The following ITGB8 variants were observed in gnomAD, a reference collection of about 807,000 sequenced individuals.
The protein encoded by ITGB8 is integrin beta-8.
A neutral mutation model predicts 89.5 loss-of-function variants in ITGB8; 30 were observed. That is an observed-to-expected ratio of 0.34 (90% CI 0.25 to 0.45). ITGB8 has a LOEUF of 0.45. Ranked by LOEUF, ITGB8 falls within the 20% of genes least tolerant of loss-of-function variation. ITGB8 has a pLI of 1.00. For missense variants in ITGB8, 836 were observed against 933.3 expected (o/e 0.90, Z 1.36); for synonymous variants, 335 against 320.4 (o/e 1.05, Z -0.49).
intron 10 of ITGB8, among the ~76,000 whole-genome samples, chr7:20,403,673 A>G (rs150679458): frequency 5.9e-5 from 9 of 152,170 alleles, no homozygotes; most frequent in East Asian, 3.9e-4. Flanking sequence ...GAATCTGTGG[A>G]ACAATTACCC....
chr7:20,394,682 C>T (rs935254758), intron 7 of ITGB8, among the ~76,000 whole-genome samples: 2 of 152,178 alleles, frequency 1.3e-5, no homozygotes, highest in East Asian at 1.9e-4. Context: ...GATGCACACA[C>T]AGTCATGCAC....
chr7:20,388,381 G>T (rs1786714055), intron 6 of ITGB8, among the ~76,000 whole-genome samples: 1 of 152,188 alleles, frequency 6.6e-6, no homozygotes, highest in South Asian at 2.1e-4. Context: ...GAGGGAGCGT[G>T]TCTCCTGCTA....
chr7:20,388,256 T>C (rs1181799518), intron 6 of ITGB8, among the ~76,000 whole-genome samples: 1 of 152,200 alleles, frequency 6.6e-6, no homozygotes. Flanking sequence ...CCTGAAGTGC[T>C]TGTTATCTCT....
chr7:20,392,048 G>A (rs1218644559), intron 7 of ITGB8, among the ~76,000 whole-genome samples: 1 of 151,982 alleles, frequency 6.6e-6, no homozygotes, highest in Non-Finnish European at 1.5e-5. Context: ...AGTCTTTTGG[G>A]CCAGGTGAGA....
At chr7:20,403,941 T>C (rs1383024259) in intron 10 of ITGB8, among the ~76,000 whole-genome samples, 1 of 152,224 alleles carries the variant, frequency 6.6e-6, no homozygotes, top group Non-Finnish European at 1.5e-5. Flanking sequence ...TTTAACTATG[T>C]GTAACTATGT....
chr7:20,394,387 C>G (rs1488799790), intron 7 of ITGB8, among the ~76,000 whole-genome samples: 1 of 152,162 alleles, frequency 6.6e-6, no homozygotes, highest in Non-Finnish European at 1.5e-5. Flanking sequence ...GAAGTTTCCA[C>G]TTGTGACTAT....
chr7:20,373,288 A>G (rs922423575), intron 3 of ITGB8, among the ~76,000 whole-genome samples: 1 of 151,990 alleles, frequency 6.6e-6, no homozygotes, highest in African/African-American at 2.4e-5. Flanking sequence ...TCTTATTTTC[A>G]CTTATGAATC....
At chr7:20,335,641 A>T (rs1454114193) in intron 1 of ITGB8, among the ~76,000 whole-genome samples, 1 of 152,198 alleles carries the variant, frequency 6.6e-6, no homozygotes, top group Non-Finnish European at 1.5e-5. Context: ...TCCTTGAAAG[A>T]GTTGTCCGTA....
intron 10 of ITGB8, 112 bp downstream of exon 10, chr7:20,402,238 G>T: frequency 1.1e-6 from 1 of 946,556 alleles, no homozygotes; most frequent in Non-Finnish European, 1.5e-6. Flanking sequence ...ATCTGAATTT[G>T]TTATTCAAAG....
At chr7:20,407,694 T>C (rs1787601865) in intron 12 of ITGB8, among the ~76,000 whole-genome samples, 1 of 152,214 alleles carries the variant, frequency 6.6e-6, no homozygotes, top group Non-Finnish European at 1.5e-5. Context: ...CCAAGTGCCT[T>C]TCTAATAAAT....
chr7:20,409,484 C>A, intron 12 of ITGB8, 131 bp from the exon 13 acceptor site: 1 of 620,312 alleles, frequency 1.6e-6, no homozygotes, highest in Non-Finnish European at 2.7e-6. Context: ...TAATTTCAAT[C>A]CCGATTTGAA....
At chr7:20,391,845 G>A (rs965797815) in intron 7 of ITGB8, among the ~76,000 whole-genome samples, 8 of 152,170 alleles carry the variant, frequency 5.3e-5, no homozygotes, top group African/African-American at 1.9e-4. Context: ...CATGTCTAGA[G>A]TGCTTCTTCT....
At chr7:20,351,154 C>T (rs1785100488) in intron 1 of ITGB8, among the ~76,000 whole-genome samples, 1 of 152,166 alleles carries the variant, frequency 6.6e-6, no homozygotes. Flanking sequence ...TGACATACTA[C>T]TTGTATTAAA....
In ITGB8 at chr7:20,409,882, T is replaced by TAGA; in HGVS notation, c.2195_2196insAGA (p.Leu732_Ile733insGlu). 6.2e-7 allele frequency: 1 copy of TAGA among 1,613,396 alleles called. No homozygotes were observed. Among genetic ancestry groups the TAGA allele is most frequent in the South Asian group, 1.1e-5 (1 of 90,750 alleles). On this transcript the variant is annotated inframe_insertion, in exon 14 of 14. Coordinates refer to ENST00000222573, the MANE Select transcript of ITGB8 (RefSeq NM_002214.3). ...TATTTCTTCTCTATTAAGGATAAGT[T>TAGA]GATTCTGCAAAGTGTTTGCACAAGA...
chr7:20,339,811 T>A (rs1784694155), intron 1 of ITGB8, among the ~76,000 whole-genome samples: 1 of 152,140 alleles, frequency 6.6e-6, no homozygotes, highest in Non-Finnish European at 1.5e-5. Flanking sequence ...GTGGATCACC[T>A]GAAGTCAGGA....
chr7:20,397,369 G>A (rs995962394), intron 8 of ITGB8, among the ~76,000 whole-genome samples: 3 of 152,146 alleles, frequency 2.0e-5, no homozygotes, highest in African/African-American at 7.2e-5. Context: ...TGGGATTACA[G>A]GCGTATCACG....
chr7:20,359,070 C>A (rs1785402039), intron 1 of ITGB8, among the ~76,000 whole-genome samples: 1 of 152,184 alleles, frequency 6.6e-6, no homozygotes, highest in African/African-American at 2.4e-5. Context: ...GTGTTGTGTT[C>A]CATGTTGTAC....
chr7:20,340,381 T>G (rs1280680745), intron 1 of ITGB8, among the ~76,000 whole-genome samples: 3 of 152,118 alleles, frequency 2.0e-5, no homozygotes, highest in Non-Finnish European at 4.4e-5. Context: ...AGTTTGGAAG[T>G]GGAGAGAAGG....
At chr7:20,371,822 A>G (rs1785945821) in intron 3 of ITGB8, among the ~76,000 whole-genome samples, 1 of 152,230 alleles carries the variant, frequency 6.6e-6, no homozygotes, top group African/African-American at 2.4e-5. Flanking sequence ...CAAATGTATG[A>G]CAATGTATTT....
Sources: allele counts gnomAD v4.1 joint callset (sites outside exome capture counted in the v4.1 genomes callset), GRCh38; gene constraint gnomAD v4.1.1; transcripts MANE v1.5; gene names NCBI Gene and HGNC (gene_info 2026-07-23, HGNC 2026-07-21).